INVS: variants seen among roughly 807,000 people sequenced by gnomAD.
INVS encodes inversin.
In INVS, 86 loss-of-function variants were observed where a neutral mutation model predicts 108.8. The observed-to-expected ratio is 0.79, with a 90% confidence interval of 0.66 to 0.95. INVS has a LOEUF of 0.95. INVS is among the 40% of genes least tolerant of loss of function. The probability of loss-of-function intolerance (pLI) is 0.00; values close to 1 mark genes in which losing one functional copy is unlikely to be tolerated. For synonymous variants in INVS, 455 were observed against 473.5 expected, an observed-to-expected ratio of 0.96 and a Z score of 0.51; for missense variants, 1,169 against 1,297.4, an observed-to-expected ratio of 0.90 and a Z score of 1.52.
chr9:100,219,942 A>C (rs1831095625), intron 3 of INVS, among the ~76,000 whole-genome samples: 1 of 152,152 alleles, frequency 6.6e-6, no homozygotes, highest in Non-Finnish European at 1.5e-5. Context: ...TTGGAATGAT[A>C]AACACCCAAT....
At chr9:100,118,069 C>CTTT (rs757283860) in intron 2 of INVS, among the ~76,000 whole-genome samples, 1 of 138,026 alleles carries the variant, frequency 7.2e-6, no homozygotes, top group Non-Finnish European at 1.6e-5. Flanking sequence ...CTTTTTTTTT[C>CTTT]TTTTTTTTTT....
intron 14 of INVS, among the ~76,000 whole-genome samples, 160 bp from the exon 15 acceptor site, chr9:100,296,757 C>A (rs1285741637): frequency 6.6e-6 from 1 of 152,136 alleles, no homozygotes; most frequent in Non-Finnish European, 1.5e-5. Context: ...AAAAAGAATT[C>A]CACATTCAAC....
chr9:100,149,540 A>G (rs987512955), intron 3 of INVS, among the ~76,000 whole-genome samples: 1 of 152,184 alleles, frequency 6.6e-6, no homozygotes, highest in African/African-American at 2.4e-5. Flanking sequence ...ATATGTAGAA[A>G]CTATCTCTAA....
chr9:100,192,723 G>A (rs1296187582), intron 3 of INVS, among the ~76,000 whole-genome samples: 3 of 152,056 alleles, frequency 2.0e-5, no homozygotes, highest in East Asian at 1.9e-4. Context: ...GCAATATTTC[G>A]TTTTGTCAGT....
intron 13 of INVS, among the ~76,000 whole-genome samples, chr9:100,286,219 C>A (rs1435820608): frequency 6.6e-6 from 1 of 152,118 alleles, no homozygotes; most frequent in Non-Finnish European, 1.5e-5. Flanking sequence ...TATTGAGCCA[C>A]TCATTAATCT....
intron 12 of INVS, among the ~76,000 whole-genome samples, chr9:100,275,834 T>C (rs1346708071): frequency 6.6e-6 from 1 of 152,238 alleles, no homozygotes; most frequent in Non-Finnish European, 1.5e-5. Flanking sequence ...GGAATATCTA[T>C]AATCAATTTG....
At chr9:100,182,205 G>A (rs955213998) in intron 3 of INVS, among the ~76,000 whole-genome samples, 16 of 152,124 alleles carry the variant, frequency 1.1e-4, no homozygotes, top group Non-Finnish European at 2.2e-4. Flanking sequence ...AGAGGCATGG[G>A]CAAAGATTTC....
chr9:100,115,342 A>G (rs1006025676), intron 2 of INVS, among the ~76,000 whole-genome samples: 12 of 151,644 alleles, frequency 7.9e-5, no homozygotes, highest in Non-Finnish European at 1.6e-4. Flanking sequence ...TCTAGGGTAC[A>G]TGTGCACAAC....
chr9:100,178,159 A>G (rs761172657), intron 3 of INVS, among the ~76,000 whole-genome samples: 1 of 152,232 alleles, frequency 6.6e-6, no homozygotes, highest in Admixed American at 6.5e-5. Flanking sequence ...AGATAAATCC[A>G]TGAAGATGAG....
intron 12 of INVS, among the ~76,000 whole-genome samples, chr9:100,283,625 C>T (rs904902854): frequency 6.6e-6 from 1 of 152,186 alleles, no homozygotes; most frequent in Non-Finnish European, 1.5e-5. Context: ...CCCAGCTACT[C>T]ATCTTTAGAC....
At chr9:100,234,154 G>C (rs988696683) in intron 5 of INVS, among the ~76,000 whole-genome samples, 17 of 152,294 alleles carry the variant, frequency 1.1e-4, no homozygotes, top group African/African-American at 3.8e-4. Flanking sequence ...CAGTTTATTT[G>C]CATGGAAGTG....
Position 100,099,732 on chromosome 9 carries a change from T to C in INVS, c.-25+316T>C, listed in dbSNP as rs139635637. On this transcript the variant is annotated intron_variant, in intron 1 of 16. Transcript: ENST00000262457. The stretch of plus-strand genomic sequence containing the variant: ...TGTGTGAGTGATTGCTGCTAAGGCG[T>C]GGATCGCTCCTCCAGTATAATTACG... Among the ~76,000 whole-genome samples the C allele has an allele frequency of 5.2e-3, 797 of 152,288 alleles. 7 individuals carry two copies. The highest frequency in any genetic ancestry group is 0.017 in the African/African-American group (726 of 41,546).
At chr9:100,203,053 G>C (rs752992557) in intron 3 of INVS, among the ~76,000 whole-genome samples, 1 of 152,186 alleles carries the variant, frequency 6.6e-6, no homozygotes, top group Non-Finnish European at 1.5e-5. Context: ...CAATAACATA[G>C]ATATTTCACC....
At chr9:100,100,980 TA>T (rs1204886071) in intron 1 of INVS, among the ~76,000 whole-genome samples, 2 of 79,512 alleles carry the variant, frequency 2.5e-5, no homozygotes, top group Admixed American at 4.3e-4. Flanking sequence ...ATATTATATA[TA>T]TAATATATAT....
At position 100,273,493 on chromosome 9, in the gene INVS, A is replaced by C. The variant is rs544298887; in HGVS notation, c.1784+417A>C. The stretch of plus-strand genomic sequence containing the variant: ...TCTAAGTCTGGTTTTAATTTGATTA[A>C]AGCAAACAACTTGGTTTTTTTTTCC... On this transcript the variant is annotated intron_variant, in intron 12 of 16. Transcript: ENST00000262457. 1.1e-3 allele frequency among the ~76,000 whole-genome samples: 164 copies of C among 151,390 alleles called. 1 individual carries two copies. The highest frequency in any genetic ancestry group is 6.0e-4 in the Non-Finnish European group (41 of 67,894).
chr9:100,146,042 G>A (rs564295699), intron 3 of INVS, among the ~76,000 whole-genome samples: 37 of 152,122 alleles, frequency 2.4e-4, no homozygotes, highest in African/African-American at 8.5e-4. Context: ...TCTTTTTCAC[G>A]GAGCAAAGAG....
At chr9:100,102,131 G>GT (rs11412588) in intron 1 of INVS, 141,798 of 152,150 alleles carry the variant, frequency 0.93, 66,171 homozygotes, top group African/African-American at 0.97. Flanking sequence ...GTCTCCCTCT[G>GT]TGCCCAGGCT....
At chr9:100,131,679 T>C (rs555522404) in intron 3 of INVS, among the ~76,000 whole-genome samples, 6 of 152,310 alleles carry the variant, frequency 3.9e-5, no homozygotes, top group East Asian at 1.9e-4. Context: ...TATATGTTAA[T>C]AGTTATGCAT....
At chr9:100,100,903 G>GCA (rs1826918348) in intron 1 of INVS, among the ~76,000 whole-genome samples, 1 of 36,262 alleles carries the variant, frequency 2.8e-5, no homozygotes, top group African/African-American at 1.8e-4. Flanking sequence ...TATTATATAT[G>GCA]TATATATATT....
Sources: gnomAD v4.1 joint callset for allele counts (sites outside exome capture counted in the v4.1 genomes callset) on GRCh38, gnomAD v4.1.1 for gene constraint, MANE v1.5 for transcripts, NCBI Gene and HGNC (gene_info 2026-07-23, HGNC 2026-07-21) for gene names.